SCML2: variants seen among roughly 807,000 people sequenced by gnomAD.
SCML2 encodes the protein sex comb on midleg-like protein 2.
SCML2 carries 6 observed loss-of-function variants against 48.4 expected under a neutral mutation model. The observed-to-expected ratio is 0.12, with a 90% CI of 0.07 to 0.24. The LOEUF is 0.24. SCML2 is among the 10% of genes least tolerant of loss of function. SCML2 has a pLI of 1.00. For synonymous variants in SCML2, 181 were observed against 189.5 expected, an observed-to-expected ratio of 0.95 and a Z score of 0.37; for missense variants, 377 against 528.2, an observed-to-expected ratio of 0.71 and a Z score of 2.81.
intron 1 of SCML2, among the ~76,000 whole-genome samples, chrX:18,346,240 T>TC (rs1930197677): frequency 9.5e-6 from 1 of 105,264 alleles, no homozygotes; most frequent in Admixed American, 1.0e-4. Flanking sequence ...TTGATTGGCC[T>TC]TTTTTTTTTA....
chrX:18,309,125 C>T (rs1030554905), intron 6 of SCML2, among the ~76,000 whole-genome samples: 4 of 103,894 alleles, frequency 3.9e-5, no homozygotes, highest in Admixed American at 3.2e-4. Context: ...CTCTTGAACC[C>T]GGGAGACAGA....
At chrX:18,347,680 T>A (rs1930242302) in intron 1 of SCML2, among the ~76,000 whole-genome samples, 1 of 80,857 alleles carries the variant, frequency 1.2e-5, no homozygotes, top group South Asian at 7.5e-4. Flanking sequence ...ACCGAGATCA[T>A]GCCACTGCAC....
chrX:18,349,791 C>T (rs1376154460), intron 1 of SCML2, among the ~76,000 whole-genome samples: 2 of 109,165 alleles, frequency 1.8e-5, no homozygotes, highest in African/African-American at 6.7e-5. Flanking sequence ...AGCGAGACTC[C>T]GTCTCAAAAA....
chrX:18,334,810 A>T (rs1397823349), intron 1 of SCML2, among the ~76,000 whole-genome samples: 1 of 112,246 alleles, frequency 8.9e-6, no homozygotes, highest in Non-Finnish European at 1.9e-5. Context: ...GGATAAACCT[A>T]ATATGGCAAA....
chrX:18,341,700 G>GA (rs1383138252), intron 1 of SCML2, among the ~76,000 whole-genome samples: 25 of 104,953 alleles, frequency 2.4e-4, no homozygotes, highest in African/African-American at 3.8e-4. Context: ...CACAAATTCA[G>GA]AAAAAAAAAA....
At position 18,324,990 on chromosome X, in the gene SCML2, C is replaced by A; in HGVS notation, c.92-13G>T. On this transcript the variant is annotated splice_polypyrimidine_tract_variant and intron_variant, in intron 3 of 14. Transcript: ENST00000251900. ...CAGTGGAAATCATCTGGAAAAAACA[C>A]ATGTGCAAAATAGTTTCTTAAAGCA... is the stretch of plus-strand genomic sequence containing the variant. 2 of 1,150,148 alleles carry A rather than the reference C, an allele frequency of 1.7e-6. No individual in the cohort carries two copies. Among genetic ancestry groups the A allele is most frequent in the Non-Finnish European group, 2.4e-6 (2 of 842,382 alleles). The allele number at this position is 1,150,148 out of a possible 1,213,427, so 94.8% of individuals were successfully genotyped here.
intron 10 of SCML2, among the ~76,000 whole-genome samples, chrX:18,257,257 G>A (rs114793855): frequency 0.037 from 4,157 of 111,762 alleles, 204 homozygotes; most frequent in African/African-American, 0.13. Flanking sequence ...AACAACAACA[G>A]AAACTCACTG....
intron 7 of SCML2, among the ~76,000 whole-genome samples, chrX:18,279,648 A>G (rs1309028143): frequency 2.7e-5 from 3 of 111,904 alleles, no homozygotes; most frequent in Non-Finnish European, 3.8e-5. Flanking sequence ...GAAAGACAAA[A>G]TAGCCATTTT....
rs186865794 is a variant in SCML2 at position 18,281,926 on chromosome X, C to A, written c.731-16124G>T. ...ATCACCTGAGGTCAGGAGTTCAAGA[C>A]CAGCCTGATCAACATGGAGAAACCC... On this transcript the variant is annotated intron_variant, in intron 7 of 14. Coordinates refer to ENST00000251900, the MANE Select transcript of SCML2 (RefSeq NM_006089.3). Among the ~76,000 whole-genome samples the A allele has an allele frequency of 5.1e-3, 558 of 110,112 alleles. 4 individuals are homozygous for A. The highest frequency in any genetic ancestry group is 0.017 in the African/African-American group (528 of 30,257).
chrX:18,252,325 C>A lies in SCML2; in HGVS notation c.1457-4443G>T, dbSNP rs891860275. On this transcript the variant is annotated intron_variant, in intron 11 of 14. Transcript: ENST00000251900. ...AACACATTATGCTAAGTGAAAGAAG[C>A]CACACACAAAGGTTGCATATTATAT... is the stretch of plus-strand genomic sequence containing the variant. Among the ~76,000 whole-genome samples, 3 of 112,358 alleles carry A rather than the reference C, an allele frequency of 2.7e-5. No homozygotes were observed. In the Admixed American group the frequency reaches 2.8e-4, roughly 11 times the overall value.
chrX:18,314,250 C>CT (rs1427037837), intron 6 of SCML2, among the ~76,000 whole-genome samples: 3 of 111,606 alleles, frequency 2.7e-5, no homozygotes, highest in Admixed American at 9.5e-5. Context: ...CCTTGCAACT[C>CT]TGCCCCACTG....
At chrX:18,329,047 T>A (rs1356085603) in intron 3 of SCML2, among the ~76,000 whole-genome samples, 1 of 111,757 alleles carries the variant, frequency 8.9e-6, no homozygotes, top group African/African-American at 3.3e-5. Context: ...GGTACAGGAT[T>A]TCTTTTTAGG....
At chrX:18,335,680 AT>A (rs776955965) in intron 1 of SCML2, among the ~76,000 whole-genome samples, 5 of 111,538 alleles carry the variant, frequency 4.5e-5, no homozygotes, top group East Asian at 5.6e-4. Flanking sequence ...TGAATAAGTT[AT>A]TTTTGTAATC....
intron 6 of SCML2, among the ~76,000 whole-genome samples, chrX:18,309,407 C>T (rs977745366): frequency 9.0e-6 from 1 of 111,101 alleles, no homozygotes; most frequent in African/African-American, 3.3e-5. Context: ...AATTACCATT[C>T]GACCCAGCAA....
At chrX:18,328,091 C>T (rs966776064) in intron 3 of SCML2, among the ~76,000 whole-genome samples, 1 of 110,746 alleles carries the variant, frequency 9.0e-6, no homozygotes, top group African/African-American at 3.3e-5. Flanking sequence ...TCACATGTGC[C>T]CATGGTCTCT....
At chrX:18,282,955 A>G (rs185182143) in intron 7 of SCML2, among the ~76,000 whole-genome samples, 1 of 111,436 alleles carries the variant, frequency 9.0e-6, no homozygotes, top group African/African-American at 3.3e-5. Flanking sequence ...TGAAGCTAGC[A>G]TCATTAGCCT....
At chrX:18,300,708 T>C (rs978635163) in intron 7 of SCML2, among the ~76,000 whole-genome samples, 3 of 108,237 alleles carry the variant, frequency 2.8e-5, no homozygotes, top group Non-Finnish European at 3.8e-5. Context: ...GGAAAATCAA[T>C]TGAACCCAGG....
chrX:18,345,527 G>A (rs969784365), intron 1 of SCML2, among the ~76,000 whole-genome samples: 1 of 109,461 alleles, frequency 9.1e-6, no homozygotes. Flanking sequence ...TAGTAGCTGG[G>A]ACTACAGGCA....
rs939294145 is a variant in SCML2 at position 18,261,937 on chromosome X, C to T, written c.949-1646G>A. ...GCCTGATTTTTTTCAATGTTCATGACTATATTTTTGAAATATTTAGCTTTG... is the reference window on the plus strand; with the variant it reads ...GCCTGATTTTTTTCAATGTTCATGATTATATTTTTGAAATATTTAGCTTTG... On this transcript the variant is annotated intron_variant, in intron 8 of 14. Transcript: ENST00000251900. Among the ~76,000 whole-genome samples the T allele has an allele frequency of 6.4e-5, 7 of 109,076 alleles. No individual in the cohort carries two copies. In the South Asian group the frequency reaches 1.9e-3, roughly 29 times the overall value. The allele number at this position is 109,076 out of a possible 115,157, so 94.7% of individuals were successfully genotyped here. A position where few individuals can be genotyped will look rare whatever the true frequency, so the allele number is the denominator to read the frequency against.
Sources: allele counts gnomAD v4.1 joint callset (sites outside exome capture counted in the v4.1 genomes callset), GRCh38; gene constraint gnomAD v4.1.1; transcripts MANE v1.5; gene names NCBI Gene and HGNC (gene_info 2026-07-23, HGNC 2026-07-21).